The following TEX14 variants were observed in gnomAD, a reference collection of about 807,000 sequenced individuals.
TEX14 encodes the protein testis expressed 14, intercellular bridge forming factor.
Under a neutral mutation model 178.6 loss-of-function variants are expected in TEX14, and 168 were observed. That is an observed-to-expected ratio of 0.94 (90% CI 0.83 to 1.07). The LOEUF (loss-of-function observed/expected upper bound fraction) is 1.07. TEX14 is among the 50% of genes least tolerant of loss of function. The probability of loss-of-function intolerance (pLI) is 0.00; values close to 1 mark genes in which losing one functional copy is unlikely to be tolerated. For missense variants in TEX14, 1,730 were observed against 1,753.6 expected, an observed-to-expected ratio of 0.99 and a Z score of 0.24; for synonymous variants, 626 against 634.1, an observed-to-expected ratio of 0.99 and a Z score of 0.19.
At chr17:58,601,186 G>A (rs1376257487) in intron 13 of TEX14, among the ~76,000 whole-genome samples, 3 of 151,930 alleles carry the variant, frequency 2.0e-5, no homozygotes, top group Non-Finnish European at 4.4e-5. Context: ...AGGAGTTCAA[G>A]ACCAGCCTGG....
In TEX14 at chr17:58,593,655, T is replaced by C. The variant is rs114361113; in HGVS notation, c.2476A>G (p.Thr826Ala). 22 of 1,613,776 alleles carry C rather than the reference T, an allele frequency of 1.4e-5. No homozygotes were observed. The East Asian group carries it at 4.5e-4, about 33-fold the overall frequency. Residue 826 changes from threonine (T) to alanine (A), a missense_variant, in exon 15 of 32, where the codon ACT (threonine) becomes GCT (alanine). Physicochemically the swap from Thr to Ala is moderately conservative, Grantham distance 58. Around this residue, in one of 2 missense-constraint regions of TEX14, gnomAD observed 941 missense variants for 1,072.4 expected, o/e 0.88. Coordinates refer to ENST00000349033, the MANE Select transcript of TEX14 (RefSeq NM_031272.5). ...TLPRFPRMLP[T>A]LCDPGKQNTD... ...TTCTGTTTTCCAGGGTCACAAAGAG[T>C]CGGCAGCTTAAAAAGCAATAAACAT...
chr17:58,680,314 T>G (rs1713534361), intron 1 of TEX14, among the ~76,000 whole-genome samples: 1 of 152,202 alleles, frequency 6.6e-6, no homozygotes, highest in Non-Finnish European at 1.5e-5. Context: ...TCTACATATC[T>G]GAAAATCCAA....
intron 1 of TEX14, among the ~76,000 whole-genome samples, chr17:58,679,870 C>T (rs2047471754): frequency 1.3e-5 from 2 of 152,148 alleles, no homozygotes; most frequent in African/African-American, 4.8e-5. Flanking sequence ...GAAATATAAG[C>T]CTAGGGTGCA....
At chr17:58,672,852 C>T (rs567900652) in intron 1 of TEX14, among the ~76,000 whole-genome samples, 2 of 152,000 alleles carry the variant, frequency 1.3e-5, no homozygotes, top group East Asian at 3.9e-4. Context: ...CTGCTTCAGC[C>T]TCCTGAGTAG....
chr17:58,606,649 T>C (rs1175343981), intron 10 of TEX14, among the ~76,000 whole-genome samples: 2 of 151,752 alleles, frequency 1.3e-5, no homozygotes, highest in African/African-American at 4.8e-5. Flanking sequence ...CATAATTATA[T>C]ATTGAACCCA....
chr17:58,605,797 G>A (rs891708168), intron 10 of TEX14, among the ~76,000 whole-genome samples: 1 of 152,166 alleles, frequency 6.6e-6, no homozygotes, highest in Non-Finnish European at 1.5e-5. Context: ...CTAATCTAAA[G>A]TAGTCCTGTT....
intron 23 of TEX14, among the ~76,000 whole-genome samples, chr17:58,572,825 G>A (rs2044570300): frequency 6.6e-6 from 1 of 152,194 alleles, no homozygotes; most frequent in Non-Finnish European, 1.5e-5. Flanking sequence ...GTTGCATATG[G>A]TTGCAGGACT....
rs777908221 is a variant in TEX14, at chr17:58,593,561, G to A, written c.2570C>T (p.Thr857Ile). The A allele has an allele frequency of 6.2e-7, 1 of 1,612,962 alleles. No individual in the cohort carries two copies. Among genetic ancestry groups the A allele is most frequent in the South Asian group, 1.1e-5 (1 of 91,044 alleles). The part of the protein sequence containing the change: ...DSLETSRIQN[T>I]SSQGRPREST... ...CAACAAAATGTTGACCCACCTACTG[G>A]TATTTTGGATCCTGCTTGTTTCCAA... Residue 857 changes from threonine to isoleucine, a missense_variant, in exon 15 of 32, where the codon ACC becomes ATC. Transcript: ENST00000349033.
intron 11 of TEX14, among the ~76,000 whole-genome samples, 171 bp downstream of exon 11, chr17:58,604,807 C>T (rs1160736344): frequency 1.3e-5 from 2 of 152,068 alleles, no homozygotes; most frequent in African/African-American, 4.8e-5. Flanking sequence ...GTGATCCACC[C>T]GCCTCAGCCT....
chr17:58,562,253 T>C (rs1169451722), intron 28 of TEX14, among the ~76,000 whole-genome samples: 2 of 152,222 alleles, frequency 1.3e-5, no homozygotes, highest in South Asian at 2.1e-4. Flanking sequence ...GCTAGAACTA[T>C]ACATGCTTTC....
At chr17:58,669,713 AAC>A (rs1398340748) in intron 1 of TEX14, among the ~76,000 whole-genome samples, 2 of 147,250 alleles carry the variant, frequency 1.4e-5, no homozygotes, top group Non-Finnish European at 3.0e-5. Flanking sequence ...TAGACTGGGC[AAC>A]AGAGAGAGAC....
At chr17:58,581,563 C>T (rs754837002) in intron 19 of TEX14, 19 of 1,596,028 alleles carry the variant, frequency 1.2e-5, no homozygotes, top group Non-Finnish European at 1.5e-5. Flanking sequence ...AGAAATAAGG[C>T]AATGGAGAAA....
chr17:58,609,271 G>A (rs1481549520), intron 10 of TEX14, among the ~76,000 whole-genome samples: 2 of 152,116 alleles, frequency 1.3e-5, no homozygotes, highest in Non-Finnish European at 2.9e-5. Context: ...CACCACGCCC[G>A]GCTAATTTTT....
chr17:58,588,055 TAA>T (rs768987348), intron 15 of TEX14, 34 bp from the exon 16 acceptor site: 1 of 818,948 alleles, frequency 1.2e-6, no homozygotes, highest in African/African-American at 1.7e-5. Context: ...ATAAGATCTC[TAA>T]GAGTATTTTT....
Position 58,559,544 on chromosome 17 carries a change from A to T in TEX14, c.4176T>A (p.Asp1392Glu). 1 of 1,546,920 alleles carries T rather than the reference A, an allele frequency of 6.5e-7. No individual in the cohort carries two copies. Among genetic ancestry groups the T allele is most frequent in the South Asian group, 1.1e-5 (1 of 88,954 alleles). ...TTCTTTTCTCTTCACCAACTTTTTGATCTTTGATATTTGTCTCCCTGTAAC... is the reference window on the plus strand; with the variant it reads ...TTCTTTTCTCTTCACCAACTTTTTGTTCTTTGATATTTGTCTCCCTGTAAC... ...KGSERETNIKDQKVGEEKRKR... is the reference protein window; with the variant it reads ...KGSERETNIKEQKVGEEKRKR... The change falls in exon 30 of 32, where the codon GAT (aspartate) becomes GAA (glutamate). Residue 1392 changes from aspartate to glutamate, a missense_variant. This residue lies in a region of TEX14 where 941 missense variants were observed against 1,072.4 expected (regional missense o/e 0.88). Coordinates refer to ENST00000349033, the MANE Select transcript of TEX14 (RefSeq NM_031272.5).
chr17:58,651,705 A>C (rs2046843043), intron 2 of TEX14, among the ~76,000 whole-genome samples, 161 bp downstream of exon 2: 1 of 152,246 alleles, frequency 6.6e-6, no homozygotes, highest in Non-Finnish European at 1.5e-5. Flanking sequence ...ATGAGGATTT[A>C]ACACCTCTCT....
At chr17:58,557,748 T>C in intron 31 of TEX14, 51 bp downstream of exon 31, 1 of 1,440,682 alleles carries the variant, frequency 6.9e-7, no homozygotes, top group Non-Finnish European at 9.6e-7. Flanking sequence ...AGTCTGCTTC[T>C]GTTGTCTATA....
intron 3 of TEX14, among the ~76,000 whole-genome samples, chr17:58,625,889 C>T (rs949303866): frequency 6.6e-6 from 1 of 151,956 alleles, no homozygotes; most frequent in Non-Finnish European, 1.5e-5. Context: ...TACAGGCGCC[C>T]GCCACCATGG....
intron 14 of TEX14, among the ~76,000 whole-genome samples, chr17:58,596,531 C>T (rs1434330829): frequency 1.3e-5 from 2 of 152,090 alleles, no homozygotes; most frequent in East Asian, 3.9e-4. Flanking sequence ...ATTAACCTGC[C>T]TTGGCCTCCC....
Sources: allele counts gnomAD v4.1 joint callset (sites outside exome capture counted in the v4.1 genomes callset), GRCh38; gene constraint gnomAD v4.1.1; regional missense constraint gnomAD v4.1.1; transcripts MANE v1.5; gene names NCBI Gene and HGNC (gene_info 2026-07-23, HGNC 2026-07-21).